The following MAML3 variants were observed in gnomAD, a reference collection of about 807,000 sequenced individuals.
MAML3 encodes mastermind like transcriptional coactivator 3, also known as mastermind-like protein 3.
MAML3 carries 27 observed loss-of-function variants against 101.9 expected under a neutral mutation model. That is an observed-to-expected ratio of 0.27 (90% CI 0.20 to 0.37). The LOEUF is 0.37. Ranked by LOEUF, MAML3 falls within the 10% of genes least tolerant of loss-of-function variation. The pLI is 1.00. For missense variants in MAML3, 1,316 were observed against 1,444.9 expected (o/e 0.91, Z 1.45); for synonymous variants, 501 against 555.9 (o/e 0.90, Z 1.39).
intron 1 of MAML3, among the ~76,000 whole-genome samples, chr4:140,112,295 C>T (rs1025237949): frequency 2.0e-5 from 3 of 152,112 alleles, no homozygotes; most frequent in Admixed American, 1.3e-4. Flanking sequence ...CTTTCTGGCT[C>T]AACTAGATAT....
chr4:140,007,005 G>A (rs1465227596), intron 1 of MAML3, among the ~76,000 whole-genome samples: 1 of 152,066 alleles, frequency 6.6e-6, no homozygotes, highest in African/African-American at 2.4e-5. Context: ...AAGCTTTGGT[G>A]GTAAAATAGG....
At chr4:140,007,124 A>C (rs553650803) in intron 1 of MAML3, among the ~76,000 whole-genome samples, 1 of 152,254 alleles carries the variant, frequency 6.6e-6, no homozygotes, top group South Asian at 2.1e-4. Context: ...GAAAACATAC[A>C]AGGATAGCTT....
intron 1 of MAML3, among the ~76,000 whole-genome samples, chr4:139,927,066 T>TTTTTTA (rs1733277953): frequency 2.3e-5 from 2 of 88,586 alleles, no homozygotes; most frequent in African/African-American, 9.6e-5. Flanking sequence ...AGTTTTTTTC[T>TTTTTTA]TTTTTCTTTT....
chr4:140,151,800 T>TG (rs1292683975), intron 1 of MAML3, among the ~76,000 whole-genome samples: 1 of 151,966 alleles, frequency 6.6e-6, no homozygotes, highest in Non-Finnish European at 1.5e-5. Context: ...GCCTCCGGCT[T>TG]GGGGGGTGGG....
chr4:139,971,206 AC>A (rs1209248545), intron 1 of MAML3, among the ~76,000 whole-genome samples: 16 of 135,722 alleles, frequency 1.2e-4, no homozygotes, highest in South Asian at 2.8e-4. Flanking sequence ...AACTCTTCTC[AC>A]TGTACCTTCT....
At chr4:140,052,726 A>G (rs918477385) in intron 1 of MAML3, among the ~76,000 whole-genome samples, 1 of 151,830 alleles carries the variant, frequency 6.6e-6, no homozygotes, top group African/African-American at 2.4e-5. Flanking sequence ...GTAGAGACAG[A>G]GTTTCACCAT....
rs757964061 is a variant in MAML3, at chr4:139,924,622, T to C, written c.469-33655A>G. 9.5e-4 allele frequency among the ~76,000 whole-genome samples: 142 copies of C among 149,874 alleles called. 1 individual carries two copies. Among genetic ancestry groups the C allele is most frequent in the Middle Eastern group, 3.4e-3 (1 of 294 alleles). On this transcript the variant is annotated intron_variant, in intron 1 of 4. Coordinates refer to ENST00000509479, the MANE Select transcript of MAML3 (RefSeq NM_018717.5). The stretch of plus-strand genomic sequence containing the variant: ...CTAAAATCATTGGAGTCAGGTATAC[T>C]AAAGTGTACTTTCATCATCTGGCAG...
intron 2 of MAML3, among the ~76,000 whole-genome samples, chr4:139,746,972 C>A (rs1432622160): frequency 6.6e-6 from 1 of 152,112 alleles, no homozygotes; most frequent in Non-Finnish European, 1.5e-5. Flanking sequence ...TGTGGGCCAC[C>A]GGCCGTGGCT....
At chr4:140,150,756 G>T (rs577894535) in intron 1 of MAML3, among the ~76,000 whole-genome samples, 4 of 152,214 alleles carry the variant, frequency 2.6e-5, no homozygotes. Context: ...AGGGCGCTAG[G>T]GGGGCGGGGG....
At chr4:139,928,708 C>G (rs565476163) in intron 1 of MAML3, among the ~76,000 whole-genome samples, 1 of 152,006 alleles carries the variant, frequency 6.6e-6, no homozygotes, top group African/African-American at 2.4e-5. Flanking sequence ...GAGGGAAGCA[C>G]GTGGGGACAG....
chr4:140,101,222 G>A (rs775403222), intron 1 of MAML3, among the ~76,000 whole-genome samples: 31 of 152,180 alleles, frequency 2.0e-4, no homozygotes, highest in Middle Eastern at 3.2e-3. Flanking sequence ...AAGTTTTGGT[G>A]TGGTTTGCTA....
intron 1 of MAML3, among the ~76,000 whole-genome samples, chr4:140,092,076 G>GTATATATATACGTATA (rs1200802256): frequency 4.8e-4 from 31 of 64,042 alleles, no homozygotes; most frequent in East Asian, 1.1e-3. Flanking sequence ...ATATATATAC[G>GTATATATATACGTATA]TATATATATA....
At chr4:140,148,289 G>A (rs1377114903) in intron 1 of MAML3, among the ~76,000 whole-genome samples, 2 of 152,152 alleles carry the variant, frequency 1.3e-5, no homozygotes, top group Non-Finnish European at 2.9e-5. Context: ...TGTAGATTAT[G>A]ATTAATGCTT....
intron 1 of MAML3, among the ~76,000 whole-genome samples, chr4:139,989,297 C>G (rs1307325290): frequency 6.6e-6 from 1 of 152,106 alleles, no homozygotes; most frequent in South Asian, 2.1e-4. Context: ...GCTACAAGGG[C>G]ACTGTAAGAA....
rs147362881 is a variant in MAML3, at chr4:140,109,279, A to T, written c.468+43581T>A. 2.7e-3 allele frequency among the ~76,000 whole-genome samples: 414 copies of T among 152,294 alleles called. 2 individuals are homozygous for T. Among genetic ancestry groups the T allele is most frequent in the African/African-American group, 9.6e-3 (398 of 41,572 alleles). On this transcript the variant is annotated intron_variant, in intron 1 of 4. Coordinates refer to ENST00000509479, the MANE Select transcript of MAML3 (RefSeq NM_018717.5). ...AGATGTAGTCCAGTATGCATAACAG[A>T]CTACAACTCTATACTCTATGCAGTA...
At chr4:140,024,806 T>G (rs1179046142) in intron 1 of MAML3, among the ~76,000 whole-genome samples, 5 of 152,320 alleles carry the variant, frequency 3.3e-5, no homozygotes, top group East Asian at 1.9e-4. Flanking sequence ...AAACACTGGT[T>G]AGAGACGTGA....
At chr4:139,948,884 A>G (rs1346093649) in intron 1 of MAML3, among the ~76,000 whole-genome samples, 1 of 152,182 alleles carries the variant, frequency 6.6e-6, no homozygotes, top group East Asian at 1.9e-4. Context: ...GAGGTAATAC[A>G]CTAGTAGTGC....
intron 1 of MAML3, among the ~76,000 whole-genome samples, chr4:140,070,769 T>G (rs1432569496): frequency 6.6e-6 from 1 of 152,212 alleles, no homozygotes; most frequent in Non-Finnish European, 1.5e-5. Flanking sequence ...TACTTTAGCT[T>G]ATTATCTTTA....
intron 2 of MAML3, among the ~76,000 whole-genome samples, chr4:139,795,600 T>C (rs978472473): frequency 3.3e-5 from 5 of 152,232 alleles, no homozygotes; most frequent in African/African-American, 1.2e-4. Context: ...CAATTTCTGG[T>C]AAGTAACGGA....
Sources: allele counts gnomAD v4.1 joint callset (sites outside exome capture counted in the v4.1 genomes callset), GRCh38; gene constraint gnomAD v4.1.1; transcripts MANE v1.5; gene names NCBI Gene and HGNC (gene_info 2026-07-23, HGNC 2026-07-21).